HDAC4: variants seen among roughly 807,000 people sequenced by gnomAD.
The protein encoded by HDAC4 is histone deacetylase 4.
In HDAC4, 16 loss-of-function variants were observed where a neutral mutation model predicts 135.1. The ratio of observed to expected loss-of-function variants is 0.12; its 90% confidence interval spans 0.08 to 0.18. The LOEUF (loss-of-function observed/expected upper bound fraction) is 0.18. Ranked by LOEUF, HDAC4 falls within the 10% of genes least tolerant of loss-of-function variation. The pLI, the probability that HDAC4 is intolerant of heterozygous loss-of-function variation, is 1.00. For synonymous variants in HDAC4, 685 were observed against 653.4 expected, an observed-to-expected ratio of 1.05 and a Z score of -0.74; for missense variants, 1,143 against 1,511.8, an observed-to-expected ratio of 0.76 and a Z score of 4.05.
chr2:239,082,427 T>C (rs1286312437), intron 20 of HDAC4, among the ~76,000 whole-genome samples: 1 of 152,226 alleles, frequency 6.6e-6, no homozygotes, highest in Non-Finnish European at 1.5e-5. Flanking sequence ...GCAGGGGTTC[T>C]AAGGGCCAAT....
At chr2:239,316,586 C>T (rs2053122489) in intron 2 of HDAC4, among the ~76,000 whole-genome samples, 1 of 152,188 alleles carries the variant, frequency 6.6e-6, no homozygotes, top group Non-Finnish European at 1.5e-5. Flanking sequence ...GTACAGTATA[C>T]CAATGGGCCC....
In HDAC4 at chr2:239,352,648, G is replaced by C. The variant is rs752885594; in HGVS notation, c.22+30C>G. Reference sequence around the variant, plus strand: ...CTTTGGGCAAAGAAAGCCCCGCTGTGTGCCCAGAGAAGAAATGACCCGGCC... The same window carrying C: ...CTTTGGGCAAAGAAAGCCCCGCTGTCTGCCCAGAGAAGAAATGACCCGGCC... On this transcript the variant is annotated intron_variant, in intron 2 of 26. Transcript: ENST00000543185. The surrounding 1 kb of genome is among the most constrained non-coding windows in gnomAD (Gnocchi z 4.4). 1 of 1,551,220 alleles carries C rather than the reference G, an allele frequency of 6.4e-7. No homozygotes were observed. The highest frequency in any genetic ancestry group is 8.7e-7 in the Non-Finnish European group (1 of 1,145,824).
In HDAC4 at chr2:239,139,506, G is replaced by A. The variant is rs1469130041; in HGVS notation, c.978+178C>T. On this transcript the variant is annotated intron_variant, in intron 9 of 26. Coordinates refer to ENST00000543185, the MANE Select transcript of HDAC4 (RefSeq NM_001378414.1). The surrounding 1 kb of genome is among the most constrained non-coding windows in gnomAD (Gnocchi z 5.3). Reference sequence around the variant, plus strand: ...TGAAAGGAGATGTCTGTGATGAGAGGAAGGCAGGAGAGTAACCTCCAACTG... The same window carrying A: ...TGAAAGGAGATGTCTGTGATGAGAGAAAGGCAGGAGAGTAACCTCCAACTG... Among the ~76,000 whole-genome samples, 4 of 152,250 alleles carry A rather than the reference G, an allele frequency of 2.6e-5. No individual in the cohort carries two copies. Among genetic ancestry groups the A allele is most frequent in the African/African-American group, 9.6e-5 (4 of 41,462 alleles).
intron 1 of HDAC4, among the ~76,000 whole-genome samples, chr2:239,373,091 G>C (rs4482505): frequency 0.6 from 91,891 of 151,970 alleles, 28,415 homozygotes; most frequent in East Asian, 0.9. Context: ...GGGGTCTGTG[G>C]CCCTGTGGAG....
intron 4 of HDAC4, among the ~76,000 whole-genome samples, chr2:239,178,553 T>C (rs2043923379): frequency 6.6e-6 from 1 of 152,100 alleles, no homozygotes; most frequent in South Asian, 2.1e-4. Context: ...CAGATACGTT[T>C]TCTTCTTTTT....
intron 3 of HDAC4, among the ~76,000 whole-genome samples, chr2:239,207,908 A>G (rs1399911412): frequency 6.6e-6 from 1 of 152,212 alleles, no homozygotes; most frequent in Non-Finnish European, 1.5e-5. Context: ...AAAAGACAGA[A>G]AAATTACAGT....
chr2:239,089,082 T>G (rs2036255554), intron 18 of HDAC4, among the ~76,000 whole-genome samples: 1 of 152,168 alleles, frequency 6.6e-6, no homozygotes, highest in South Asian at 2.1e-4. Context: ...AGATCCACAC[T>G]GCAGCTAATT....
chr2:239,243,664 C>G (rs963755604), intron 2 of HDAC4, among the ~76,000 whole-genome samples: 1 of 152,178 alleles, frequency 6.6e-6, no homozygotes, highest in African/African-American at 2.4e-5. Context: ...TCTCCCCATC[C>G]TTTCATATTT....
In HDAC4 at chr2:239,176,519, C is replaced by T. The variant is rs747576248; in HGVS notation, c.384G>A (p.Leu128=). Residue 128 remains leucine, a synonymous_variant, in exon 5 of 27, where the codon CTG becomes CTA. Transcript: ENST00000543185. ...MLAMKHQQEL[L]EHQRKLERHR... Reference sequence around the variant, plus strand: ...GCCTCTCCAGCTTCCGCTGGTGTTCCAGCAGCTCCTGCTGGTGCTTCATGG... The same window carrying T: ...GCCTCTCCAGCTTCCGCTGGTGTTCTAGCAGCTCCTGCTGGTGCTTCATGG... The T allele has an allele frequency of 1.2e-6, 2 of 1,613,530 alleles. No homozygotes were observed. The highest frequency in any genetic ancestry group is 1.7e-6 in the Non-Finnish European group (2 of 1,179,892).
chr2:239,221,844 G>A (rs2153127094), intron 3 of HDAC4, among the ~76,000 whole-genome samples: 1 of 152,280 alleles, frequency 6.6e-6, no homozygotes, highest in South Asian at 2.1e-4. Context: ...TAAATGACAA[G>A]CCGAAACTAT....
At chr2:239,192,879 T>C (rs1416524440) in intron 3 of HDAC4, among the ~76,000 whole-genome samples, 1 of 152,170 alleles carries the variant, frequency 6.6e-6, no homozygotes. Context: ...AAGAACAAAG[T>C]TGCATTTATC....
chr2:239,129,103 T>G (rs539738703), intron 11 of HDAC4, among the ~76,000 whole-genome samples: 1 of 152,250 alleles, frequency 6.6e-6, no homozygotes, highest in Admixed American at 6.5e-5. Flanking sequence ...CCTTTTCCAG[T>G]TGCACTCCCC....
In HDAC4 at chr2:239,331,772, A is replaced by T. The variant is rs574141875; in HGVS notation, c.22+20906T>A. Among the ~76,000 whole-genome samples the T allele has an allele frequency of 3.9e-5, 6 of 152,152 alleles. No individual in the cohort carries two copies. The highest frequency in any genetic ancestry group is 8.8e-5 in the Non-Finnish European group (6 of 68,034). ...AAACACGGCGATGCACGAGGAGCCC[A>T]GGCCTGGGAGAGAAGGGAGGTGGAA... On this transcript the variant is annotated intron_variant, in intron 2 of 26. Transcript: ENST00000543185. This position sits in a 1 kb window ranked among gnomAD's most constrained non-coding sequence, Gnocchi z 4.5.
chr2:239,185,033 TG>T (rs67190136), intron 4 of HDAC4, among the ~76,000 whole-genome samples: 118,425 of 137,704 alleles, frequency 0.86, 50,904 homozygotes, highest in South Asian at 0.97. Context: ...CTGTGCCCTA[TG>T]GGGGGGGTCC....
intron 2 of HDAC4, among the ~76,000 whole-genome samples, chr2:239,290,699 C>T (rs1575621643): frequency 6.6e-6 from 1 of 152,088 alleles, no homozygotes. Flanking sequence ...TGCACACACA[C>T]GCACGCACAC....
At chr2:239,079,735 T>C (rs148354751) in intron 22 of HDAC4, among the ~76,000 whole-genome samples, 5 of 152,138 alleles carry the variant, frequency 3.3e-5, no homozygotes, top group African/African-American at 1.2e-4. Context: ...TGTGTACTCA[T>C]ATACAGATGT....
In HDAC4 at chr2:239,119,927, CCG is replaced by C. The variant is rs1290646616; in HGVS notation, c.1534-4619_1534-4618del. On this transcript the variant is annotated intron_variant, in intron 12 of 26. Transcript: ENST00000543185. ...TGGGTCCAGCGGCAGTGGGGACCACCCGTGGACAGGAGAGTGAGCAGGAGGCA... is the reference window on the plus strand; with the variant it reads ...TGGGTCCAGCGGCAGTGGGGACCACCTGGACAGGAGAGTGAGCAGGAGGCA... 7.2e-4 allele frequency among the ~76,000 whole-genome samples: 109 copies of C among 151,452 alleles called. 1 individual carries two copies. In the South Asian group the frequency reaches 0.019, roughly 26 times the overall value.
intron 13 of HDAC4, among the ~76,000 whole-genome samples, 162 bp downstream of exon 13, chr2:239,114,891 A>G (rs558621749): frequency 1.3e-5 from 2 of 152,174 alleles, no homozygotes; most frequent in Non-Finnish European, 2.9e-5. Context: ...AATGGAAGCC[A>G]CATCAACCTC....
At chr2:239,389,270 T>G (rs1490258992) in intron 1 of HDAC4, among the ~76,000 whole-genome samples, 3 of 152,176 alleles carry the variant, frequency 2.0e-5, no homozygotes, top group Non-Finnish European at 4.4e-5. Context: ...TGGGTCCCCT[T>G]CCATGCTGTG....
Sources: allele counts gnomAD v4.1 joint callset (sites outside exome capture counted in the v4.1 genomes callset), GRCh38; gene constraint gnomAD v4.1.1; non-coding constraint Gnocchi (gnomAD v3.1); transcripts MANE v1.5; gene names NCBI Gene and HGNC (gene_info 2026-07-23, HGNC 2026-07-21).